ADGRG6: variants seen among roughly 807,000 people sequenced by gnomAD.
The protein encoded by ADGRG6 is G-protein coupled receptor 126.
In ADGRG6, 84 loss-of-function variants were observed where a neutral mutation model predicts 142.4. The ratio of observed to expected loss-of-function variants is 0.59; its 90% CI spans 0.49 to 0.71. The LOEUF (loss-of-function observed/expected upper bound fraction) is 0.71, where lower values mean the gene tolerates loss of function less well. Among genes scored for constraint, ADGRG6 ranks in the 30% least tolerant of loss-of-function variants. The probability of loss-of-function intolerance (pLI) is 0.00; values close to 1 mark genes in which losing one functional copy is unlikely to be tolerated. For missense variants in ADGRG6, 1,367 were observed against 1,466.6 expected (o/e 0.93, Z 1.11); for synonymous variants, 521 against 520.5 (o/e 1.00, Z -0.01).
chr6:142,393,815 T>C, intron 8 of ADGRG6, 81 bp from the exon 9 acceptor site: 1 of 854,158 alleles, frequency 1.2e-6, no homozygotes, highest in Non-Finnish European at 1.9e-6. Flanking sequence ...ATTCTGTCTC[T>C]TTATTTCAGG....
At chr6:142,305,429 T>TACACAC (rs5880531) in intron 1 of ADGRG6, among the ~76,000 whole-genome samples, 4,604 of 120,732 alleles carry the variant, frequency 0.038, 329 homozygotes, top group African/African-American at 0.13. Flanking sequence ...GCCCCTCCTG[T>TACACAC]ACACACACAC....
At chr6:142,360,767 C>T (rs1051220502) in intron 2 of ADGRG6, among the ~76,000 whole-genome samples, 5 of 152,164 alleles carry the variant, frequency 3.3e-5, no homozygotes, top group Non-Finnish European at 1.5e-5. Context: ...AAGTGATTCT[C>T]CTGCCTCAGC....
intron 2 of ADGRG6, among the ~76,000 whole-genome samples, chr6:142,335,408 G>T (rs1259803308): frequency 1.3e-5 from 2 of 152,144 alleles, no homozygotes; most frequent in African/African-American, 4.8e-5. Context: ...TATAAATAGA[G>T]AATGAAAATG....
intron 2 of ADGRG6, among the ~76,000 whole-genome samples, chr6:142,348,654 T>C (rs1465217430): frequency 1.3e-5 from 2 of 151,686 alleles, no homozygotes; most frequent in Non-Finnish European, 2.9e-5. Flanking sequence ...TATTTAGACT[T>C]CATAGAAAAG....
intron 7 of ADGRG6, among the ~76,000 whole-genome samples, chr6:142,392,476 G>A (rs1263831293): frequency 6.6e-6 from 1 of 151,658 alleles, no homozygotes; most frequent in South Asian, 2.1e-4. Flanking sequence ...TTGTGAGATG[G>A]TAATTACTAG....
In ADGRG6 at chr6:142,338,621, A is replaced by C. The variant is rs527416067; in HGVS notation, c.104-28948A>C. On this transcript the variant is annotated intron_variant, in intron 2 of 24. Transcript: ENST00000367609. Reference sequence around the variant, plus strand: ...AGCTATAGAACTCTTAATATGTCTAAATTTATTTTCTTTGATATCATTTTA... The same window carrying C: ...AGCTATAGAACTCTTAATATGTCTACATTTATTTTCTTTGATATCATTTTA... Among the ~76,000 whole-genome samples, 3 of 152,064 alleles carry C rather than the reference A, an allele frequency of 2.0e-5. No homozygotes were observed. In the East Asian group the frequency reaches 5.8e-4, roughly 29 times the overall value.
At chr6:142,376,470 G>A (rs1263544766) in intron 4 of ADGRG6, among the ~76,000 whole-genome samples, 1 of 152,036 alleles carries the variant, frequency 6.6e-6, no homozygotes, top group Non-Finnish European at 1.5e-5. Flanking sequence ...GAAATTTCTG[G>A]ATTTGTATTT....
intron 11 of ADGRG6, 187 bp downstream of exon 11, chr6:142,400,783 G>A: frequency 5.9e-6 from 3 of 512,072 alleles, no homozygotes; most frequent in South Asian, 2.8e-5. Context: ...GAAAGGCAGT[G>A]TTTTCCTCCC....
chr6:142,319,748 T>A (rs1041629532), intron 2 of ADGRG6, among the ~76,000 whole-genome samples: 10 of 152,106 alleles, frequency 6.6e-5, no homozygotes, highest in African/African-American at 2.4e-4. Context: ...AAAGACATCT[T>A]TATTCTCTGT....
intron 2 of ADGRG6, among the ~76,000 whole-genome samples, chr6:142,330,465 G>A (rs62429018): frequency 6.8e-4 from 103 of 152,140 alleles, no homozygotes; most frequent in Non-Finnish European, 1.1e-3. Context: ...ATATGGCAAT[G>A]CCATTCATTA....
At chr6:142,437,570 G>A in intron 23 of ADGRG6, 35 bp downstream of exon 23, 1 of 959,308 alleles carries the variant, frequency 1.0e-6, no homozygotes, top group South Asian at 1.3e-5. Context: ...ACATCTACAA[G>A]TAGATGGGAA....
chr6:142,411,179 TC>T, intron 17 of ADGRG6, 125 bp from the exon 18 acceptor site: 1 of 594,012 alleles, frequency 1.7e-6, no homozygotes, highest in Non-Finnish European at 3.1e-6. Context: ...CATAATGGTA[TC>T]CATTTTACAG....
chr6:142,404,919 G>A (rs1329677000), intron 14 of ADGRG6, among the ~76,000 whole-genome samples: 1 of 152,136 alleles, frequency 6.6e-6, no homozygotes, highest in Admixed American at 6.5e-5. Context: ...CGACACATAA[G>A]CAAAGAGTTT....
At chr6:142,325,592 C>A (rs73578322) in intron 2 of ADGRG6, among the ~76,000 whole-genome samples, 4,784 of 152,060 alleles carry the variant, frequency 0.031, 252 homozygotes, top group African/African-American at 0.11. Context: ...ATTTTAAAGA[C>A]CAAATATTTC....
intron 15 of ADGRG6, among the ~76,000 whole-genome samples, chr6:142,406,629 T>C (rs1230785088): frequency 2.0e-5 from 3 of 152,172 alleles, no homozygotes; most frequent in African/African-American, 7.2e-5. Context: ...AATAATACCA[T>C]GGAATCCTTG....
chr6:142,366,335 T>A (rs1458580874), intron 2 of ADGRG6, among the ~76,000 whole-genome samples: 1 of 152,174 alleles, frequency 6.6e-6, no homozygotes, highest in Non-Finnish European at 1.5e-5. Context: ...AGGACTTACA[T>A]TCCATGGGAA....
chr6:142,423,032 T>C (rs2115113277), intron 22 of ADGRG6, among the ~76,000 whole-genome samples: 2 of 151,968 alleles, frequency 1.3e-5, no homozygotes, highest in East Asian at 3.9e-4. Context: ...TTCTTGTAAA[T>C]GTGTTTGAGT....
intron 2 of ADGRG6, among the ~76,000 whole-genome samples, chr6:142,344,822 A>G (rs1375998719): frequency 3.9e-5 from 6 of 152,002 alleles, no homozygotes; most frequent in Admixed American, 2.0e-4. Flanking sequence ...GATATTCAGT[A>G]TGAGTCTACA....
chr6:142,328,333 GCTGGGACTATAGGCACACAT>G (rs1229399593), intron 2 of ADGRG6, among the ~76,000 whole-genome samples: 1 of 152,166 alleles, frequency 6.6e-6, no homozygotes, highest in African/African-American at 2.4e-5. Flanking sequence ...CTCCTGAGTA[GCTGGGACTATAGGCACACAT>G]CTCCATGCCT....
Sources: gnomAD v4.1 joint callset for allele counts (sites outside exome capture counted in the v4.1 genomes callset) on GRCh38, gnomAD v4.1.1 for gene constraint, MANE v1.5 for transcripts, NCBI Gene and HGNC (gene_info 2026-07-23, HGNC 2026-07-21) for gene names.